The following DCAF10 variants were observed in gnomAD, a reference collection of about 807,000 sequenced individuals.
The protein encoded by DCAF10 is DDB1 and CUL4 associated factor 10.
Under a neutral mutation model 51.9 loss-of-function variants are expected in DCAF10, and 19 were observed. The observed-to-expected ratio is 0.37, with a 90% confidence interval of 0.26 to 0.54. The LOEUF is 0.54. Among genes scored for constraint, DCAF10 ranks in the 20% least tolerant of loss-of-function variants. The pLI is 0.87. For missense variants in DCAF10, 510 were observed against 730.6 expected (o/e 0.70, Z 3.48); for synonymous variants, 291 against 297.1 (o/e 0.98, Z 0.21).
chr9:37,850,829 TATATATA>T lies in DCAF10; in HGVS notation c.852-3950_852-3944del, dbSNP rs1830616001. On this transcript the variant is annotated intron_variant, in intron 3 of 6. Transcript: ENST00000377724. ...GCTAAGTATGTGAGGATATATTTTA[TATATATA>T]TATATATATATATATATATATATAT... Among the ~76,000 whole-genome samples the T allele has an allele frequency of 6.7e-3, 456 of 67,872 alleles. 21 individuals are homozygous for T. Among genetic ancestry groups the T allele is most frequent in the Non-Finnish European group, 9.3e-3 (359 of 38,486 alleles). The allele number at this position is 67,872 out of a possible 152,430, so 44.5% of individuals were successfully genotyped here.
chr9:37,808,118 C>T lies in DCAF10; in HGVS notation c.539+6713C>T, dbSNP rs141928729. On this transcript the variant is annotated intron_variant, in intron 1 of 6. Transcript: ENST00000377724. ...TCATACCGAATACAGTTTCTCACCA[C>T]AATGTGATCACTAGAAGTAAATAAA... 6.4e-3 allele frequency among the ~76,000 whole-genome samples: 970 copies of T among 152,186 alleles called. 6 individuals carry two copies. The highest frequency in any genetic ancestry group is 0.028 in the Admixed American group (431 of 15,278).
At chr9:37,842,798 C>T (rs765608807) in intron 3 of DCAF10, among the ~76,000 whole-genome samples, 1 of 152,194 alleles carries the variant, frequency 6.6e-6, no homozygotes, top group African/African-American at 2.4e-5. Context: ...AGTTTCTAAA[C>T]CTCCTGCAGT....
chr9:37,853,353 C>T (rs1231500926), intron 3 of DCAF10, among the ~76,000 whole-genome samples: 3 of 144,792 alleles, frequency 2.1e-5, no homozygotes, highest in Non-Finnish European at 3.0e-5. Context: ...GCAGAGGTTG[C>T]AGCGAGCTGA....
chr9:37,841,190 C>G (rs1443284989), intron 2 of DCAF10, among the ~76,000 whole-genome samples: 2 of 152,080 alleles, frequency 1.3e-5, no homozygotes, highest in African/African-American at 4.8e-5. Flanking sequence ...GCAGAAACAA[C>G]CTGTGTAAAC....
intron 3 of DCAF10, among the ~76,000 whole-genome samples, chr9:37,848,541 G>T (rs1420375259): frequency 1.3e-5 from 2 of 152,184 alleles, no homozygotes; most frequent in Non-Finnish European, 2.9e-5. Flanking sequence ...ACAGAAAGTT[G>T]ATTAGTGGTT....
chr9:37,808,884 T>C (rs1829243360), intron 1 of DCAF10, among the ~76,000 whole-genome samples: 1 of 145,852 alleles, frequency 6.9e-6, no homozygotes, highest in Non-Finnish European at 1.5e-5. Flanking sequence ...TTTGGAAAAC[T>C]GAGGTGGGAG....
rs1192043255 is a variant in DCAF10, at chr9:37,862,046, T to C, written c.*538T>C. ...TTAAAGTTACTGTTATGTTTATCTA[T>C]ATTGAGCACAGATAATGGCATTATT... On this transcript the variant is annotated 3_prime_UTR_variant, in exon 7 of 7. Coordinates refer to ENST00000377724, the MANE Select transcript of DCAF10 (RefSeq NM_024345.5). 6.5e-6 allele frequency: 1 copy of C among 153,096 alleles called. No homozygotes were observed. Among genetic ancestry groups the C allele is most frequent in the Non-Finnish European group, 1.5e-5 (1 of 68,480 alleles). 9.5% of individuals were successfully genotyped at this position (153,096 alleles called of 1,614,324 possible). A position where few individuals can be genotyped will look rare whatever the true frequency, so the allele number is the denominator to read the frequency against.
rs764370729 is a variant in DCAF10 at position 37,861,543 on chromosome 9, G to GT, written c.*38dup. 6.4e-7 allele frequency: 1 copy of GT among 1,564,600 alleles called. No individual in the cohort carries two copies. Among genetic ancestry groups the GT allele is most frequent in the African/African-American group, 1.4e-5 (1 of 72,838 alleles). On this transcript the variant is annotated 3_prime_UTR_variant, in exon 7 of 7. Coordinates refer to ENST00000377724, the MANE Select transcript of DCAF10 (RefSeq NM_024345.5). This position sits in a 1 kb window ranked among gnomAD's most constrained non-coding sequence, Gnocchi z 4.9. ...ACATCAAATAAGGAACTCTTCTGGT[G>GT]TTTGACTTAGGAATTGCTTCAATTT...
At chr9:37,816,884 A>AGGG (rs1014157593) in intron 1 of DCAF10, among the ~76,000 whole-genome samples, 14 of 152,212 alleles carry the variant, frequency 9.2e-5, no homozygotes, top group Non-Finnish European at 2.9e-5. Flanking sequence ...AATTTCAACA[A>AGGG]AATTTTTTAA....
At chr9:37,846,571 C>T (rs1349317019) in intron 3 of DCAF10, among the ~76,000 whole-genome samples, 1 of 152,110 alleles carries the variant, frequency 6.6e-6, no homozygotes, top group Non-Finnish European at 1.5e-5. Context: ...ATCCTCCTGC[C>T]TCAGCCTCCT....
chr9:37,849,925 C>T (rs776014), intron 3 of DCAF10, among the ~76,000 whole-genome samples: 2,563 of 151,914 alleles, frequency 0.017, 43 homozygotes, highest in Middle Eastern at 0.031. Context: ...CAGGTGTGGC[C>T]GTGTGTGCCT....
At chr9:37,828,007 C>T (rs1250126873) in intron 2 of DCAF10, among the ~76,000 whole-genome samples, 2 of 151,944 alleles carry the variant, frequency 1.3e-5, no homozygotes, top group African/African-American at 2.4e-5. Context: ...TTTCAGCCTC[C>T]CGAGTAGCTG....
intron 5 of DCAF10, among the ~76,000 whole-genome samples, chr9:37,857,925 T>C (rs1034011325): frequency 1.1e-4 from 16 of 152,212 alleles, no homozygotes; most frequent in African/African-American, 3.9e-4. Context: ...TTTCTGCCTA[T>C]ACAAATTCCA....
intron 1 of DCAF10, among the ~76,000 whole-genome samples, chr9:37,808,666 A>ATAT (rs1829217306): frequency 9.3e-5 from 10 of 107,490 alleles, no homozygotes; most frequent in Admixed American, 2.6e-4. Flanking sequence ...ATATAAATAT[A>ATAT]TTATATAATA....
intron 1 of DCAF10, among the ~76,000 whole-genome samples, chr9:37,806,460 G>A (rs1829117496): frequency 6.6e-6 from 1 of 152,196 alleles, no homozygotes; most frequent in South Asian, 2.1e-4. Flanking sequence ...CATAGGCCCA[G>A]TGACCATCTG....
At chr9:37,836,173 A>G (rs1178493746) in intron 2 of DCAF10, 7 of 1,438,462 alleles carry the variant, frequency 4.9e-6, no homozygotes, top group Non-Finnish European at 6.9e-6. Flanking sequence ...GTGCATATTT[A>G]TAAGAAGCAC....
Sources: allele counts gnomAD v4.1 joint callset (sites outside exome capture counted in the v4.1 genomes callset), GRCh38; gene constraint gnomAD v4.1.1; non-coding constraint Gnocchi (gnomAD v3.1); transcripts MANE v1.5; gene names NCBI Gene and HGNC (gene_info 2026-07-23, HGNC 2026-07-21).